Variants in PRRC2B observed in about 807,000 individuals in gnomAD.
The protein encoded by PRRC2B is protein PRRC2B.
Under a neutral mutation model 242.3 loss-of-function variants are expected in PRRC2B, and 68 were observed. The ratio of observed to expected loss-of-function variants is 0.28; its 90% confidence interval spans 0.23 to 0.34. PRRC2B has a LOEUF of 0.34. Ranked by LOEUF, PRRC2B falls within the 10% of genes least tolerant of loss-of-function variation. PRRC2B has a pLI of 1.00. For synonymous variants in PRRC2B, 1,228 were observed against 1,173.6 expected (o/e 1.05, Z -0.95); for missense variants, 2,835 against 2,954.8 (o/e 0.96, Z 0.94).
At position 131,475,708 on chromosome 9, in the gene PRRC2B, C is replaced by T. The variant is rs1053041199; in HGVS notation, c.3579C>T (p.Ala1193=). 2 of 1,613,056 alleles carry T rather than the reference C, an allele frequency of 1.2e-6. No homozygotes were observed. Among genetic ancestry groups the T allele is most frequent in the Non-Finnish European group, 8.5e-7 (1 of 1,179,668 alleles). ...GCSEDHSGLD[A]KSRGPRAFGR... ...CTGAGGACCACAGCGGTCTAGATGC[C>T]AAGAGCCGAGGCCCTCGGGCCTTTG... The change falls in exon 16 of 32, where the codon GCC becomes GCT. Residue 1193 remains alanine (A), a synonymous_variant. Transcript: ENST00000683519.
At chr9:131,408,582 A>G (rs1207059169) in intron 1 of PRRC2B, among the ~76,000 whole-genome samples, 1 of 152,272 alleles carries the variant, frequency 6.6e-6, no homozygotes, top group Non-Finnish European at 1.5e-5. Context: ...CCCAGGTTGA[A>G]TAATACAGTA....
intron 1 of PRRC2B, among the ~76,000 whole-genome samples, chr9:131,400,381 C>T (rs577974975): frequency 3.3e-5 from 5 of 151,710 alleles, no homozygotes; most frequent in African/African-American, 7.3e-5. Context: ...TGCAGCCGTG[C>T]GATCTTGGCT....
chr9:131,418,645 T>C (rs1360020889), intron 1 of PRRC2B, among the ~76,000 whole-genome samples: 1 of 152,198 alleles, frequency 6.6e-6, no homozygotes, highest in Non-Finnish European at 1.5e-5. Flanking sequence ...AGGCTTTGGG[T>C]GTAAACAATG....
In PRRC2B at chr9:131,487,733, C is replaced by T. The variant is rs536128086; in HGVS notation, c.5985-123C>T. ...GCCCCATCCTGGACCCTCTGAGTCG[C>T]GCTCTGGGGGTGGGGCCGGGGATCT... On this transcript the variant is annotated intron_variant, in intron 27 of 31. Coordinates refer to ENST00000683519, the MANE Select transcript of PRRC2B (RefSeq NM_013318.4). The surrounding 1 kb of genome is among the most constrained non-coding windows in gnomAD (Gnocchi z 5.3). The T allele has an allele frequency of 2.8e-5, 37 of 1,321,244 alleles. No individual in the cohort carries two copies. The highest frequency in any genetic ancestry group is 1.7e-4 in the Admixed American group (7 of 40,680). The allele number at this position is 1,321,244 out of a possible 1,614,324, so 81.8% of individuals were successfully genotyped here. A position where few individuals can be genotyped will look rare whatever the true frequency, so the allele number is the denominator to read the frequency against.
chr9:131,405,964 T>C (rs997586840), intron 1 of PRRC2B, among the ~76,000 whole-genome samples: 1 of 152,176 alleles, frequency 6.6e-6, no homozygotes, highest in African/African-American at 2.4e-5. Flanking sequence ...AATGTGATAG[T>C]AACACCTTCA....
intron 1 of PRRC2B, among the ~76,000 whole-genome samples, chr9:131,374,310 C>G (rs1016039974): frequency 6.6e-6 from 1 of 151,834 alleles, no homozygotes; most frequent in Non-Finnish European, 1.5e-5. Context: ...GACTCTGTCT[C>G]AAAATAAATA....
intron 28 of PRRC2B, chr9:131,490,784 C>CGT (rs1213413447): frequency 8.3e-6 from 3 of 360,816 alleles, no homozygotes; most frequent in Admixed American, 3.6e-5. Context: ...GAGTCTTGAA[C>CGT]GTGTGTGCTG....
intron 1 of PRRC2B, among the ~76,000 whole-genome samples, chr9:131,420,455 T>TCTTTCTTTCTTTC (rs1554758582): frequency 2.0e-4 from 2 of 10,068 alleles, no homozygotes; most frequent in East Asian, 6.0e-3. Context: ...CTTTTTCTTT[T>TCTTTCTTTCTTTC]TCTTTCTTTC....
Position 131,438,970 on chromosome 9 carries a change from A to G in PRRC2B, c.397-19A>G, listed in dbSNP as rs773731005. 5.6e-6 allele frequency: 9 copies of G among 1,603,228 alleles called. No homozygotes were observed. The highest frequency in any genetic ancestry group is 3.3e-4 in the Middle Eastern group (2 of 6,034). On this transcript the variant is annotated intron_variant, in intron 4 of 31. Coordinates refer to ENST00000683519, the MANE Select transcript of PRRC2B (RefSeq NM_013318.4). ...GAATAAGGGAGCTGGCCCTCTTCTGATTCTCTTCCTTCTTTCAGAATACAA... is the reference window on the plus strand; with the variant it reads ...GAATAAGGGAGCTGGCCCTCTTCTGGTTCTCTTCCTTCTTTCAGAATACAA...
rs1245139493 is a variant in PRRC2B, at chr9:131,447,097, A to G, written c.868A>G (p.Lys290Glu). 6.2e-7 allele frequency: 1 copy of G among 1,614,062 alleles called. No individual in the cohort carries two copies. The highest frequency in any genetic ancestry group is 1.7e-5 in the Admixed American group (1 of 60,026). Reference protein sequence around the residue: ...DMLPAFMCSPKSSENQGTVER... With the variant: ...DMLPAFMCSPESSENQGTVER... ...TGTTATGTTTCAGATGTGTTCGCCG[A>G]AGTCATCAGAAAACCAGGGTACAGT... Residue 290 changes from lysine (K) to glutamate (E), a missense_variant, in exon 8 of 32, where the codon AAG (lysine) becomes GAG (glutamate). Around this residue, in one of 7 missense-constraint regions of PRRC2B, gnomAD observed 626 missense variants for 685.5 expected, o/e 0.91. Transcript: ENST00000683519.
At chr9:131,480,080 C>A (rs953217750) in intron 19 of PRRC2B, among the ~76,000 whole-genome samples, 1 of 152,082 alleles carries the variant, frequency 6.6e-6, no homozygotes, top group East Asian at 1.9e-4. Flanking sequence ...CATGGACATT[C>A]GATATTTCAC....
chr9:131,383,913 G>A (rs550506058), intron 1 of PRRC2B, among the ~76,000 whole-genome samples: 27 of 151,448 alleles, frequency 1.8e-4, no homozygotes, highest in African/African-American at 5.3e-4. Context: ...AAGTCACTGC[G>A]CCCGGCCGGT....
In PRRC2B at chr9:131,498,391, CCTGAGCTGCAGTCTCTTCG is replaced by C. The variant is rs1302995339; in HGVS notation, c.*2523_*2541del. 2 of 152,168 alleles carry C rather than the reference CCTGAGCTGCAGTCTCTTCG, an allele frequency of 1.3e-5. No homozygotes were observed. Among genetic ancestry groups the C allele is most frequent in the African/African-American group, 2.4e-5 (1 of 41,448 alleles). 9.4% of individuals were successfully genotyped at this position (152,168 alleles called of 1,614,324 possible). On this transcript the variant is annotated 3_prime_UTR_variant, in exon 32 of 32. Transcript: ENST00000683519. ...CGGTGCAGTCACCACCTGTGTGTGA[CCTGAGCTGCAGTCTCTTCG>C]CTGAGATGCAGGTTTTAAATGAGAC...
rs980864621 is a variant in PRRC2B, at chr9:131,495,927, G to A, written c.*53G>A. 3.1e-5 allele frequency: 49 copies of A among 1,577,050 alleles called. No individual in the cohort carries two copies. The highest frequency in any genetic ancestry group is 1.9e-4 in the Middle Eastern group (1 of 5,152). ...CCTACTGAGGACGGTGCCGCCATGC[G>A]GCCTCGACACAGCCGACACTCGGGA... On this transcript the variant is annotated 3_prime_UTR_variant, in exon 32 of 32. Transcript: ENST00000683519.
chr9:131,492,974 T>C (rs1387150423), intron 30 of PRRC2B, among the ~76,000 whole-genome samples: 1 of 152,056 alleles, frequency 6.6e-6, no homozygotes, highest in South Asian at 2.1e-4. Flanking sequence ...TACAAATGAG[T>C]GAAACAGACC....
chr9:131,444,666 C>A (rs1368908782), intron 6 of PRRC2B, among the ~76,000 whole-genome samples: 1 of 152,192 alleles, frequency 6.6e-6, no homozygotes, highest in Non-Finnish European at 1.5e-5. Context: ...TTCTAAAGCT[C>A]CCAATCCTAG....
At chr9:131,463,942 T>C (rs1186565632) in intron 11 of PRRC2B, among the ~76,000 whole-genome samples, 2 of 104,158 alleles carry the variant, frequency 1.9e-5, no homozygotes, top group East Asian at 4.1e-4. Flanking sequence ...CTAGACATGC[T>C]TTTTTTTTTT....
At chr9:131,490,822 G>A (rs1944171017) in intron 28 of PRRC2B, 3 of 306,366 alleles carry the variant, frequency 9.8e-6, no homozygotes, top group Middle Eastern at 6.6e-4. Context: ...ATATACGTCC[G>A]ATGCAGCTTT....
chr9:131,461,142 A>G (rs1943230242), intron 11 of PRRC2B, among the ~76,000 whole-genome samples: 2 of 151,902 alleles, frequency 1.3e-5, no homozygotes, highest in African/African-American at 4.8e-5. Flanking sequence ...TCGTATTTAT[A>G]CTCACTTGGT....
Sources: allele counts gnomAD v4.1 joint callset (sites outside exome capture counted in the v4.1 genomes callset), GRCh38; gene constraint gnomAD v4.1.1; regional missense constraint gnomAD v4.1.1; non-coding constraint Gnocchi (gnomAD v3.1); transcripts MANE v1.5; gene names NCBI Gene and HGNC (gene_info 2026-07-23, HGNC 2026-07-21).